CNTNAP5: variants seen among roughly 807,000 people sequenced by gnomAD.
The protein encoded by CNTNAP5 is contactin associated protein family member 5.
Under a neutral mutation model 150.2 loss-of-function variants are expected in CNTNAP5, and 72 were observed. The ratio of observed to expected loss-of-function variants is 0.48; its 90% CI spans 0.40 to 0.58. CNTNAP5 has a LOEUF of 0.58. Ranked by LOEUF, CNTNAP5 falls within the 20% of genes least tolerant of loss-of-function variation. The pLI is 0.00. For synonymous variants in CNTNAP5, 672 were observed against 619.8 expected (o/e 1.08, Z -1.25); for missense variants, 1,636 against 1,626.2 (o/e 1.01, Z -0.10).
At chr2:124,200,172 T>G (rs1685692171) in intron 1 of CNTNAP5, among the ~76,000 whole-genome samples, 1 of 152,230 alleles carries the variant, frequency 6.6e-6, no homozygotes, top group Non-Finnish European at 1.5e-5. Context: ...TTAAGATATT[T>G]TTGTTGGATA....
chr2:124,135,709 G>A (rs1683958939), intron 1 of CNTNAP5, among the ~76,000 whole-genome samples: 1 of 152,126 alleles, frequency 6.6e-6, no homozygotes, highest in Non-Finnish European at 1.5e-5. Context: ...ACACATCCCT[G>A]TCAAATATTT....
chr2:124,532,294 T>C (rs1695127552), intron 10 of CNTNAP5, among the ~76,000 whole-genome samples: 1 of 152,198 alleles, frequency 6.6e-6, no homozygotes, highest in South Asian at 2.1e-4. Context: ...AGATTCTTTG[T>C]AACATTTATG....
chr2:124,205,394 T>C (rs368664250), intron 1 of CNTNAP5, among the ~76,000 whole-genome samples: 2 of 151,998 alleles, frequency 1.3e-5, no homozygotes, highest in African/African-American at 4.8e-5. Context: ...TGGAACTGTG[T>C]CAATTAAAGT....
chr2:124,361,636 G>C (rs1483713893), intron 3 of CNTNAP5, among the ~76,000 whole-genome samples: 3 of 139,030 alleles, frequency 2.2e-5, no homozygotes, highest in African/African-American at 8.2e-5. Flanking sequence ...TCAGGGGTCA[G>C]GGACCCACTT....
chr2:124,419,145 A>AAAAAAAAAAAAAC (rs1692011447), intron 4 of CNTNAP5, among the ~76,000 whole-genome samples: 4 of 129,210 alleles, frequency 3.1e-5, no homozygotes, highest in Admixed American at 7.9e-5. Flanking sequence ...CTTCTCAAAA[A>AAAAAAAAAAAAAC]AAAAAAAAAA....
chr2:124,815,213 G>C (rs1226418731), intron 19 of CNTNAP5, among the ~76,000 whole-genome samples: 3 of 152,188 alleles, frequency 2.0e-5, no homozygotes, highest in African/African-American at 7.2e-5. Flanking sequence ...TGCAAGGTGG[G>C]AGATGAATTA....
chr2:124,139,497 C>T (rs997737841), intron 1 of CNTNAP5, among the ~76,000 whole-genome samples: 2 of 152,094 alleles, frequency 1.3e-5, no homozygotes, highest in African/African-American at 4.8e-5. Flanking sequence ...TCTCCCAGTT[C>T]CCCTTCACCT....
chr2:124,458,649 G>A (rs1446585228), intron 6 of CNTNAP5, among the ~76,000 whole-genome samples: 1 of 151,866 alleles, frequency 6.6e-6, no homozygotes, highest in African/African-American at 2.4e-5. Flanking sequence ...AACACCACCT[G>A]TTCCCCAATA....
Position 124,873,986 on chromosome 2 carries a change from C to T in CNTNAP5, c.3436+4224C>T, listed in dbSNP as rs537378495. 7.0e-4 allele frequency among the ~76,000 whole-genome samples: 106 copies of T among 152,142 alleles called. 2 individuals are homozygous for T. The highest frequency in any genetic ancestry group is 5.7e-3 in the Admixed American group (87 of 15,246). ...ACTGTGGTTTAGTACATACTCTATACCAGCCACGGTGCTACAGATACTGTT... is the reference window on the plus strand; with the variant it reads ...ACTGTGGTTTAGTACATACTCTATATCAGCCACGGTGCTACAGATACTGTT... On this transcript the variant is annotated intron_variant, in intron 21 of 23. Coordinates refer to ENST00000682447, the MANE Select transcript of CNTNAP5 (RefSeq NM_001367498.1).
At chr2:124,513,321 A>G (rs1358959844) in intron 8 of CNTNAP5, among the ~76,000 whole-genome samples, 3 of 152,208 alleles carry the variant, frequency 2.0e-5, no homozygotes, top group Non-Finnish European at 4.4e-5. Flanking sequence ...AACTTATTTT[A>G]CCATAATTAC....
At chr2:124,279,883 A>G (rs760134822) in intron 3 of CNTNAP5, among the ~76,000 whole-genome samples, 2 of 152,080 alleles carry the variant, frequency 1.3e-5, no homozygotes, top group Non-Finnish European at 2.9e-5. Flanking sequence ...CCCAGTCCCT[A>G]CATATACATA....
At chr2:124,482,661 G>C (rs760764008) in intron 7 of CNTNAP5, among the ~76,000 whole-genome samples, 1 of 152,046 alleles carries the variant, frequency 6.6e-6, no homozygotes, top group Non-Finnish European at 1.5e-5. Flanking sequence ...GTAAGAGCTT[G>C]AGGGCGGAAT....
intron 3 of CNTNAP5, among the ~76,000 whole-genome samples, chr2:124,259,746 T>G (rs1395109637): frequency 6.6e-6 from 1 of 152,166 alleles, no homozygotes; most frequent in African/African-American, 2.4e-5. Context: ...AGCCAAATCA[T>G]CAGTGAACTC....
At chr2:124,815,593 G>T (rs905865908) in intron 19 of CNTNAP5, among the ~76,000 whole-genome samples, 44 of 152,300 alleles carry the variant, frequency 2.9e-4, no homozygotes, top group Non-Finnish European at 5.3e-4. Context: ...ATGTTGTAAT[G>T]ATATTGACTT....
At chr2:124,717,524 C>T (rs1292319210) in intron 13 of CNTNAP5, among the ~76,000 whole-genome samples, 2 of 152,148 alleles carry the variant, frequency 1.3e-5, no homozygotes, top group Non-Finnish European at 2.9e-5. Context: ...CCTGGTGTGC[C>T]TACAAGTCAT....
In CNTNAP5 at chr2:124,449,008, T is replaced by C. The variant is rs570125919; in HGVS notation, c.918+2071T>C. 8.4e-4 allele frequency among the ~76,000 whole-genome samples: 128 copies of C among 152,314 alleles called. 1 individual carries two copies. Among genetic ancestry groups the C allele is most frequent in the Non-Finnish European group, 1.6e-3 (108 of 68,024 alleles). On this transcript the variant is annotated intron_variant, in intron 6 of 23. Coordinates refer to ENST00000682447, the MANE Select transcript of CNTNAP5 (RefSeq NM_001367498.1). ...CCTGCTAGCAGACAACTTCAATCAC[T>C]AGTGGGATAGATAATAGAACAGTGG...
chr2:124,404,921 TTTG>T (rs1363789556), intron 3 of CNTNAP5, among the ~76,000 whole-genome samples: 1 of 152,114 alleles, frequency 6.6e-6, no homozygotes, highest in African/African-American at 2.4e-5. Flanking sequence ...AGTGAACAGC[TTTG>T]TTAAGAATCA....
At chr2:124,448,444 G>A (rs558586718) in intron 6 of CNTNAP5, among the ~76,000 whole-genome samples, 1 of 152,134 alleles carries the variant, frequency 6.6e-6, no homozygotes, top group East Asian at 1.9e-4. Context: ...TGTGTTGTGG[G>A]GATACTGTAG....
intron 19 of CNTNAP5, among the ~76,000 whole-genome samples, chr2:124,802,110 A>G (rs1681982231): frequency 6.6e-6 from 1 of 152,170 alleles, no homozygotes; most frequent in African/African-American, 2.4e-5. Flanking sequence ...AAAATCAAGT[A>G]TCCGCCTCCA....
Sources: gnomAD v4.1 joint callset for allele counts (sites outside exome capture counted in the v4.1 genomes callset) on GRCh38, gnomAD v4.1.1 for gene constraint, MANE v1.5 for transcripts, NCBI Gene and HGNC (gene_info 2026-07-23, HGNC 2026-07-21) for gene names.